The following NCF2 variants were observed in gnomAD, a reference collection of about 807,000 sequenced individuals.
NCF2 encodes the protein neutrophil cytosolic factor 2.
In NCF2, 45 loss-of-function variants were observed where a neutral mutation model predicts 70.9. The ratio of observed to expected loss-of-function variants is 0.63; its 90% CI spans 0.50 to 0.81. The LOEUF is 0.81. Among genes scored for constraint, NCF2 ranks in the 40% least tolerant of loss-of-function variants. NCF2 has a pLI of 0.00. For missense variants in NCF2, 522 were observed against 631.6 expected (o/e 0.83, Z 1.86); for synonymous variants, 203 against 233.6 (o/e 0.87, Z 1.19).
At chr1:183,579,669 G>C (rs751980393) in intron 2 of NCF2, among the ~76,000 whole-genome samples, 75 of 144,124 alleles carry the variant, frequency 5.2e-4, no homozygotes, top group African/African-American at 1.8e-3. Context: ...AACCCAGGAG[G>C]CAGAGCTTGC....
chr1:183,599,446 C>CCTTTCTTTCTTTCTTTCTTTCTTTCT, the NCF2 span, among the ~76,000 whole-genome samples: 1 of 94,160 alleles, frequency 1.1e-5, no homozygotes, highest in African/African-American at 3.8e-5. Context: ...TTCTTTCTTT[C>CCTTTCTTTCTTTCTTTCTTTCTTTCT]TTTCTTTCTT....
intron 1 of NCF2, among the ~76,000 whole-genome samples, chr1:183,589,200 C>A (rs992817709): frequency 3.9e-5 from 6 of 152,164 alleles, no homozygotes. Flanking sequence ...GGGACTGATT[C>A]TTTAAGGGAC....
At chr1:183,581,516 C>CG (rs1039509885) in intron 2 of NCF2, among the ~76,000 whole-genome samples, 17 of 151,608 alleles carry the variant, frequency 1.1e-4, no homozygotes, top group African/African-American at 3.9e-4. Flanking sequence ...GTTATAGAGA[C>CG]GGGGGTCTCA....
chr1:183,566,963 A>T lies in NCF2; in HGVS notation c.881T>A (p.Leu294His). The T allele has an allele frequency of 1.4e-5, 22 of 1,614,176 alleles. No individual in the cohort carries two copies. Among genetic ancestry groups the T allele is most frequent in the Non-Finnish European group, 1.9e-5 (22 of 1,180,034 alleles). ...GTGGATCCGCAGCTCAACTGGTTCA[A>T]GGTAGTTGCAGGGAACAAGCCCCTT... ...GQKGLVPCNY[L>H]EPVELRIHPQ... Residue 294 changes from leucine (L) to histidine (H), a missense_variant, in exon 9 of 15, where the codon CTT becomes CAT. Coordinates refer to ENST00000367535, the MANE Select transcript of NCF2 (RefSeq NM_000433.4).
chr1:183,574,970 A>G (rs1672732359), intron 3 of NCF2, among the ~76,000 whole-genome samples: 1 of 152,254 alleles, frequency 6.6e-6, no homozygotes, highest in Admixed American at 6.5e-5. Flanking sequence ...TTGCTTTAGT[A>G]AAAGAGTGAC....
At chr1:183,577,259 T>G (rs1397014603) in intron 3 of NCF2, among the ~76,000 whole-genome samples, 1 of 152,218 alleles carries the variant, frequency 6.6e-6, no homozygotes, top group Non-Finnish European at 1.5e-5. Context: ...CAATCTGAAG[T>G]GCCAATCAAA....
chr1:183,599,483 TC>T, the NCF2 span, among the ~76,000 whole-genome samples: 2,515 of 72,208 alleles, frequency 0.035, 47 homozygotes, highest in African/African-American at 0.065. Flanking sequence ...TCTTTCTTTC[TC>T]TTTTCTTTCT....
chr1:183,592,952 C>T (rs933634001), upstream of NCF2, among the ~76,000 whole-genome samples: 4 of 152,132 alleles, frequency 2.6e-5, no homozygotes, highest in Admixed American at 6.5e-5. Flanking sequence ...ACCTTCAAAC[C>T]CACCTTGCAT....
chr1:183,567,347 T>G lies in NCF2; in HGVS notation c.714-2A>C. 1 of 1,613,994 alleles carries G rather than the reference T, an allele frequency of 6.2e-7. No individual in the cohort carries two copies. The highest frequency in any genetic ancestry group is 1.1e-5 in the South Asian group (1 of 91,082). On this transcript the variant is annotated splice_acceptor_variant, in intron 7 of 14. Transcript: ENST00000367535. LOFTEE classifies it high-confidence loss of function. ...CGGTGAGCCTCCCCTTCCAGAGCCC[T>G]GCAGAGGATAGACACAAGATCCAGC...
At chr1:183,563,369 T>C in intron 12 of NCF2, 63 bp from the exon 13 acceptor site, 1 of 1,613,772 alleles carries the variant, frequency 6.2e-7, no homozygotes, top group Non-Finnish European at 8.5e-7. Context: ...CATCCTCCTC[T>C]TCCCTCCTCC....
chr1:183,575,670 T>C (rs1175633566), intron 3 of NCF2, among the ~76,000 whole-genome samples: 1 of 152,182 alleles, frequency 6.6e-6, no homozygotes, highest in African/African-American at 2.4e-5. Context: ...ATAAAAGACA[T>C]TGACACTGTC....
At position 183,586,978 on chromosome 1, in the gene NCF2, C is replaced by T; in HGVS notation, c.175-1G>A. The T allele has an allele frequency of 6.2e-7, 1 of 1,613,764 alleles. No individual in the cohort carries two copies. The highest frequency in any genetic ancestry group is 1.1e-5 in the South Asian group (1 of 91,082). On this transcript the variant is annotated splice_acceptor_variant, in intron 1 of 14. Coordinates refer to ENST00000367535, the MANE Select transcript of NCF2 (RefSeq NM_000433.4). LOFTEE classifies it high-confidence loss of function. ...CTCGGTTAATGCTTCTGGTAAAGGC[C>T]TGAGGAGAGAAGGGTCCAGACATGG...
upstream of NCF2, among the ~76,000 whole-genome samples, chr1:183,593,408 C>G (rs1389222898): frequency 6.6e-6 from 1 of 152,190 alleles, no homozygotes; most frequent in African/African-American, 2.4e-5. Context: ...GCACTGCTCT[C>G]AGGATATAAC....
chr1:183,569,829 A>T (rs1672468133), intron 6 of NCF2, among the ~76,000 whole-genome samples: 1 of 152,148 alleles, frequency 6.6e-6, no homozygotes, highest in South Asian at 2.1e-4. Flanking sequence ...GCCTCAAGTG[A>T]TCTGCTCACC....
At chr1:183,558,605 A>G (rs1572145132) in intron 14 of NCF2, among the ~76,000 whole-genome samples, 1 of 151,390 alleles carries the variant, frequency 6.6e-6, no homozygotes, top group South Asian at 2.1e-4. Flanking sequence ...TCGCTCTGTC[A>G]CCCAGGCTGG....
upstream of NCF2, among the ~76,000 whole-genome samples, chr1:183,592,367 T>C (rs1447388866): frequency 1.3e-5 from 2 of 152,224 alleles, no homozygotes; most frequent in East Asian, 3.8e-4. Flanking sequence ...TCACCAACTG[T>C]GCTAAATCTA....
chr1:183,563,725 T>C, intron 11 of NCF2, 140 bp from the exon 12 acceptor site: 1 of 1,122,630 alleles, frequency 8.9e-7, no homozygotes. Flanking sequence ...GGTTTCACAG[T>C]AGCCTAAAAG....
intron 2 of NCF2, among the ~76,000 whole-genome samples, chr1:183,585,791 C>T (rs1673321801): frequency 6.6e-6 from 1 of 152,030 alleles, no homozygotes; most frequent in Non-Finnish European, 1.5e-5. Flanking sequence ...GGTATTTGTG[C>T]AGGATGAGAG....
chr1:183,560,806 T>G (rs1672010472), intron 13 of NCF2, among the ~76,000 whole-genome samples: 1 of 152,208 alleles, frequency 6.6e-6, no homozygotes, highest in Non-Finnish European at 1.5e-5. Context: ...TATACAGTCT[T>G]AAAATATCTT....
Sources: gnomAD v4.1 joint callset for allele counts (sites outside exome capture counted in the v4.1 genomes callset) on GRCh38, gnomAD v4.1.1 for gene constraint, MANE v1.5 for transcripts, NCBI Gene and HGNC (gene_info 2026-07-23, HGNC 2026-07-21) for gene names.